Variants in IMMP2L observed in about 807,000 individuals in gnomAD.
The protein encoded by IMMP2L is inner mitochondrial membrane peptidase subunit 2.
Under a neutral mutation model 19.3 loss-of-function variants are expected in IMMP2L, and 18 were observed. That is an observed-to-expected ratio of 0.93 (90% confidence interval 0.64 to 1.38). The LOEUF is 1.38. Ranked by LOEUF, IMMP2L falls within the 40% of genes most tolerant of loss-of-function variation. The pLI, the probability that IMMP2L is intolerant of heterozygous loss-of-function variation, is 0.00. For synonymous variants in IMMP2L, 76 were observed against 73.0 expected, an observed-to-expected ratio of 1.04 and a Z score of -0.21; for missense variants, 233 against 218.2, an observed-to-expected ratio of 1.07 and a Z score of -0.43.
At chr7:111,395,530 G>C (rs931307095) in intron 3 of IMMP2L, among the ~76,000 whole-genome samples, 5 of 152,066 alleles carry the variant, frequency 3.3e-5, no homozygotes, top group African/African-American at 1.2e-4. Flanking sequence ...TCATAGTACA[G>C]GTACAAAATT....
intron 3 of IMMP2L, among the ~76,000 whole-genome samples, chr7:111,359,582 G>A (rs946665747): frequency 2.6e-5 from 4 of 152,070 alleles, no homozygotes; most frequent in African/African-American, 9.6e-5. Flanking sequence ...AATTACAGAC[G>A]TAAGTCACCG....
At chr7:110,684,316 T>C (rs1792949742) in intron 5 of IMMP2L, among the ~76,000 whole-genome samples, 1 of 152,062 alleles carries the variant, frequency 6.6e-6, no homozygotes, top group Non-Finnish European at 1.5e-5. Context: ...GTTGATTATG[T>C]ATATGCCAGA....
At chr7:111,470,026 A>G (rs1841080335) in intron 3 of IMMP2L, among the ~76,000 whole-genome samples, 2 of 152,170 alleles carry the variant, frequency 1.3e-5, no homozygotes, top group African/African-American at 4.8e-5. Context: ...ACAAATTTAC[A>G]AGAAAAAAAT....
chr7:111,111,844 A>G (rs1358058648), intron 3 of IMMP2L, among the ~76,000 whole-genome samples: 1 of 151,546 alleles, frequency 6.6e-6, no homozygotes, highest in Non-Finnish European at 1.5e-5. Flanking sequence ...TGTCTCTGAA[A>G]AAGAAAAAAT....
At chr7:110,998,915 T>C (rs548954107) in intron 3 of IMMP2L, among the ~76,000 whole-genome samples, 1 of 152,284 alleles carries the variant, frequency 6.6e-6, no homozygotes, top group Non-Finnish European at 1.5e-5. Context: ...CATTCCACCA[T>C]ACAATTTAGT....
chr7:111,118,096 G>C (rs927050017), intron 3 of IMMP2L, among the ~76,000 whole-genome samples: 4 of 152,158 alleles, frequency 2.6e-5, no homozygotes, highest in Admixed American at 6.5e-5. Context: ...TCTCTCCTTT[G>C]TGCATCCACA....
At chr7:111,157,794 G>A (rs1804808994) in intron 3 of IMMP2L, among the ~76,000 whole-genome samples, 1 of 151,972 alleles carries the variant, frequency 6.6e-6, no homozygotes, top group African/African-American at 2.4e-5. Context: ...ACCCTGATGT[G>A]ATTATTACAC....
chr7:111,088,486 G>A (rs535115024), intron 3 of IMMP2L, among the ~76,000 whole-genome samples: 1 of 151,976 alleles, frequency 6.6e-6, no homozygotes, highest in Non-Finnish European at 1.5e-5. Context: ...GGGAGAGTAA[G>A]AAGAAGGAAG....
chr7:111,425,504 G>T (rs1326686344), intron 3 of IMMP2L, among the ~76,000 whole-genome samples: 1 of 150,910 alleles, frequency 6.6e-6, no homozygotes, highest in Admixed American at 6.6e-5. Flanking sequence ...AGTTTACTTT[G>T]AAATGCATTA....
chr7:111,435,901 G>A (rs936410224), intron 3 of IMMP2L, among the ~76,000 whole-genome samples: 3 of 151,740 alleles, frequency 2.0e-5, no homozygotes, highest in African/African-American at 7.3e-5. Flanking sequence ...ATCAAGGATA[G>A]CAGCTATCAG....
chr7:110,844,036 G>A (rs919712176), intron 5 of IMMP2L, among the ~76,000 whole-genome samples: 1 of 152,234 alleles, frequency 6.6e-6, no homozygotes, highest in Non-Finnish European at 1.5e-5. Flanking sequence ...GGATGGATTC[G>A]AGCAGAAGAG....
At chr7:110,946,854 G>A (rs947790936) in intron 4 of IMMP2L, among the ~76,000 whole-genome samples, 2 of 151,282 alleles carry the variant, frequency 1.3e-5, no homozygotes, top group African/African-American at 4.9e-5. Context: ...CCGAGTAGCT[G>A]GGACTACAGG....
chr7:111,513,966 T>C (rs1845665382), intron 2 of IMMP2L, among the ~76,000 whole-genome samples: 2 of 151,926 alleles, frequency 1.3e-5, no homozygotes, highest in South Asian at 2.1e-4. Flanking sequence ...CTCACTTATA[T>C]GGGTAATCAA....
chr7:110,772,930 T>G (rs1166217322), intron 5 of IMMP2L, among the ~76,000 whole-genome samples: 1 of 152,008 alleles, frequency 6.6e-6, no homozygotes, highest in Admixed American at 6.6e-5. Flanking sequence ...GAACGAGAAG[T>G]ACTATCGGCC....
intron 3 of IMMP2L, among the ~76,000 whole-genome samples, chr7:111,171,231 A>G (rs903488843): frequency 1.3e-5 from 2 of 151,698 alleles, no homozygotes; most frequent in African/African-American, 4.8e-5. Context: ...GAGAAAGAGG[A>G]TATGTGGTGC....
intron 3 of IMMP2L, among the ~76,000 whole-genome samples, chr7:111,424,972 T>G (rs1037377147): frequency 6.6e-6 from 1 of 151,784 alleles, no homozygotes; most frequent in African/African-American, 2.4e-5. Flanking sequence ...CATGTGTACT[T>G]CTGACATTCC....
chr7:111,205,248 A>G lies in IMMP2L; in HGVS notation c.240-241683T>C, dbSNP rs1309998228. 3.3e-5 allele frequency among the ~76,000 whole-genome samples: 5 copies of G among 152,204 alleles called. No individual in the cohort carries two copies. The East Asian group carries it at 9.6e-4, about 29-fold the overall frequency. ...CATGAGAGCTCTAGCCTTATGACTT[A>G]ATCACTTCCTAAAGGCTCCACCTCT... is the stretch of plus-strand genomic sequence containing the variant. On this transcript the variant is annotated intron_variant, in intron 3 of 5. Transcript: ENST00000405709.
intron 3 of IMMP2L, among the ~76,000 whole-genome samples, chr7:111,208,964 T>C (rs771217095): frequency 3.5e-4 from 54 of 152,226 alleles, no homozygotes; most frequent in Non-Finnish European, 6.9e-4. Context: ...CTGTAAACGT[T>C]CAATATCTTA....
intron 3 of IMMP2L, among the ~76,000 whole-genome samples, chr7:111,037,703 A>C (rs1048116584): frequency 1.3e-5 from 2 of 152,184 alleles, no homozygotes; most frequent in African/African-American, 4.8e-5. Context: ...TTACATACTG[A>C]GATTTGCATA....
Sources: allele counts gnomAD v4.1 joint callset (sites outside exome capture counted in the v4.1 genomes callset), GRCh38; gene constraint gnomAD v4.1.1; transcripts MANE v1.5; gene names NCBI Gene and HGNC (gene_info 2026-07-23, HGNC 2026-07-21).